The following CDS1 variants were observed in gnomAD, a reference collection of about 807,000 sequenced individuals.
The protein encoded by CDS1 is CDP-diacylglycerol synthase 1.
Under a neutral mutation model 62.1 loss-of-function variants are expected in CDS1, and 41 were observed. That is an observed-to-expected ratio of 0.66 (90% CI 0.51 to 0.86). The LOEUF (loss-of-function observed/expected upper bound fraction) is 0.86, where lower values mean the gene tolerates loss of function less well. CDS1 is among the 40% of genes least tolerant of loss of function. CDS1 has a pLI of 0.00. For synonymous variants in CDS1, 185 were observed against 192.6 expected (o/e 0.96, Z 0.32); for missense variants, 470 against 550.1 (o/e 0.85, Z 1.46).
At position 84,640,966 on chromosome 4, in the gene CDS1, C is replaced by A. The variant is rs1293296676; in HGVS notation, c.1008C>A (p.Pro336=). The change falls in exon 10 of 13, where the codon CCC becomes CCA. Residue 336 remains proline, a synonymous_variant. Coordinates refer to ENST00000295887, the MANE Select transcript of CDS1 (RefSeq NM_001263.4). ...AGCTTCAGACTTACTCACTTCCACC[C>A]TTTCTAAAGGCAGTCTTGAGACAGG... The part of the protein sequence containing the change: ...LFQLQTYSLP[P]FLKAVLRQER... 6.3e-7 allele frequency: 1 copy of A among 1,599,142 alleles called. No individual in the cohort carries two copies. Among genetic ancestry groups the A allele is most frequent in the Non-Finnish European group, 8.5e-7 (1 of 1,173,768 alleles).
intron 9 of CDS1, among the ~76,000 whole-genome samples, chr4:84,639,325 T>C (rs1242298001): frequency 1.3e-5 from 2 of 152,204 alleles, no homozygotes; most frequent in African/African-American, 2.4e-5. Context: ...TATTCTGCCT[T>C]AGGCGGGGCA....
At chr4:84,617,437 C>T in intron 3 of CDS1, 127 bp from the exon 4 acceptor site, 1 of 603,552 alleles carries the variant, frequency 1.7e-6, no homozygotes, top group Non-Finnish European at 2.9e-6. Context: ...TTTTTACTGA[C>T]ATTTAGCATA....
At chr4:84,594,177 A>G (rs572430418) in intron 1 of CDS1, among the ~76,000 whole-genome samples, 4 of 152,240 alleles carry the variant, frequency 2.6e-5, no homozygotes, top group African/African-American at 9.6e-5. Context: ...GAGAAAAACC[A>G]TTTTTCTCTT....
At chr4:84,632,905 C>T (rs1345440886) in intron 6 of CDS1, among the ~76,000 whole-genome samples, 1 of 152,238 alleles carries the variant, frequency 6.6e-6, no homozygotes, top group African/African-American at 2.4e-5. Flanking sequence ...AGGCGGATAC[C>T]TTGAGCCCAG....
chr4:84,635,625 G>GCCTGCCTTCCTGCCTT (rs1427979604), intron 8 of CDS1, among the ~76,000 whole-genome samples: 1 of 53,516 alleles, frequency 1.9e-5, no homozygotes, highest in African/African-American at 6.1e-5. Flanking sequence ...CTGCCTGCCT[G>GCCTGCCTTCCTGCCTT]CCTTCCTTCC....
At chr4:84,601,238 G>T (rs1010375867) in intron 1 of CDS1, among the ~76,000 whole-genome samples, 2 of 151,346 alleles carry the variant, frequency 1.3e-5, no homozygotes, top group African/African-American at 2.4e-5. Flanking sequence ...ACTTGGTGCC[G>T]ACTGAATGTT....
intron 8 of CDS1, among the ~76,000 whole-genome samples, chr4:84,636,378 G>T (rs2148657789): frequency 6.6e-6 from 1 of 152,156 alleles, no homozygotes. Flanking sequence ...CTATAGAATT[G>T]GTTCTATTTA....
chr4:84,636,465 GAAATC>G (rs1252721378), intron 8 of CDS1, among the ~76,000 whole-genome samples: 2 of 152,106 alleles, frequency 1.3e-5, no homozygotes, highest in African/African-American at 4.8e-5. Flanking sequence ...ATTCTTCATG[GAAATC>G]AAATCATTTT....
intron 1 of CDS1, among the ~76,000 whole-genome samples, chr4:84,602,585 T>G (rs190222737): frequency 3.0e-4 from 45 of 152,226 alleles, no homozygotes; most frequent in Non-Finnish European, 5.1e-4. Flanking sequence ...TTTTGTAGGA[T>G]GGTGATACTG....
chr4:84,632,706 T>G (rs961040350), intron 6 of CDS1, among the ~76,000 whole-genome samples: 4 of 152,338 alleles, frequency 2.6e-5, no homozygotes, highest in Non-Finnish European at 5.9e-5. Context: ...GGAAAAAATT[T>G]AATTAATGCA....
At chr4:84,644,577 AAC>A (rs2148661416) in intron 11 of CDS1, among the ~76,000 whole-genome samples, 1 of 152,294 alleles carries the variant, frequency 6.6e-6, no homozygotes, top group South Asian at 2.1e-4. Flanking sequence ...TGCCTGAGTG[AAC>A]TAGAAGAGCA....
chr4:84,610,505 C>T (rs770727239), intron 3 of CDS1, among the ~76,000 whole-genome samples: 4 of 152,254 alleles, frequency 2.6e-5, no homozygotes, highest in Middle Eastern at 3.4e-3. Flanking sequence ...GTGTAACAAA[C>T]GGTTCCAAGA....
At chr4:84,606,069 A>ATTACATGAATGTT (rs570097290) in intron 2 of CDS1, among the ~76,000 whole-genome samples, 232 of 152,312 alleles carry the variant, frequency 1.5e-3, no homozygotes, top group African/African-American at 5.3e-3. Context: ...TTCTACAAAG[A>ATTACATGAATGTT]TTACATGAAT....
chr4:84,644,561 T>A (rs954334349), intron 11 of CDS1, among the ~76,000 whole-genome samples: 2 of 152,228 alleles, frequency 1.3e-5, no homozygotes, highest in Non-Finnish European at 2.9e-5. Flanking sequence ...TTAGATATTT[T>A]TAGGGTGCCT....
At position 84,583,389 on chromosome 4, in the gene CDS1, G is replaced by T; in HGVS notation, c.-13G>T. On this transcript the variant is annotated 5_prime_UTR_variant, in exon 1 of 13. Transcript: ENST00000295887. ...TGCTTGAGGAGGCCGCCACGGCAGCGCGGGAGCGGAAGATGTTGGAGCTGA... is the reference window on the plus strand; with the variant it reads ...TGCTTGAGGAGGCCGCCACGGCAGCTCGGGAGCGGAAGATGTTGGAGCTGA... The T allele has an allele frequency of 6.3e-7, 1 of 1,588,598 alleles. No individual in the cohort carries two copies. The highest frequency in any genetic ancestry group is 1.8e-4 in the Middle Eastern group (1 of 5,512).
chr4:84,600,664 C>T (rs1722908661), intron 1 of CDS1, among the ~76,000 whole-genome samples: 1 of 152,146 alleles, frequency 6.6e-6, no homozygotes, highest in Non-Finnish European at 1.5e-5. Flanking sequence ...TTTGTCAATA[C>T]CACATTGTCT....
At chr4:84,620,303 A>T (rs1723641948) in intron 5 of CDS1, among the ~76,000 whole-genome samples, 1 of 147,220 alleles carries the variant, frequency 6.8e-6, no homozygotes, top group Admixed American at 6.8e-5. Flanking sequence ...GCTCACTGCA[A>T]GTTCCACCTC....
intron 1 of CDS1, among the ~76,000 whole-genome samples, chr4:84,599,378 A>C: frequency 7.4e-6 from 1 of 135,368 alleles, no homozygotes; most frequent in East Asian, 2.2e-4. Context: ...TAGCAAATAT[A>C]ATTTGGCAAA....
At chr4:84,623,384 T>C (rs759949190) in intron 5 of CDS1, among the ~76,000 whole-genome samples, 17 of 152,244 alleles carry the variant, frequency 1.1e-4, no homozygotes, top group Admixed American at 3.3e-4. Flanking sequence ...TGTTGGACTT[T>C]TACTTAATAA....
Sources: gnomAD v4.1 joint callset for allele counts (sites outside exome capture counted in the v4.1 genomes callset) on GRCh38, gnomAD v4.1.1 for gene constraint, MANE v1.5 for transcripts, NCBI Gene and HGNC (gene_info 2026-07-23, HGNC 2026-07-21) for gene names.